Variants in TMEM196 observed in about 807,000 individuals in gnomAD.
TMEM196 encodes transmembrane protein 196.
TMEM196 carries 17 observed loss-of-function variants against 20.0 expected under a neutral mutation model. The observed-to-expected ratio is 0.85, with a 90% CI of 0.58 to 1.27. The LOEUF (loss-of-function observed/expected upper bound fraction) is 1.27, where lower values mean the gene tolerates loss of function less well. TMEM196 is among the 50% of genes most tolerant of loss of function. TMEM196 has a pLI of 0.00. For missense variants in TMEM196, 267 were observed against 223.0 expected (o/e 1.20, Z -1.26); for synonymous variants, 113 against 88.9 (o/e 1.27, Z -1.52).
At chr7:19,739,569 A>G (rs1211961371) in intron 1 of TMEM196, among the ~76,000 whole-genome samples, 1 of 152,104 alleles carries the variant, frequency 6.6e-6, no homozygotes, top group African/African-American at 2.4e-5. Flanking sequence ...CAGACACTGA[A>G]TCTCTGGGCA....
At chr7:19,740,339 A>G (rs76530687) in intron 1 of TMEM196, among the ~76,000 whole-genome samples, 2,136 of 152,250 alleles carry the variant, frequency 0.014, 49 homozygotes, top group African/African-American at 0.048. Context: ...GTGTAAAGTA[A>G]CTCTGGAAAA....
chr7:19,765,871 G>A (rs559324954), intron 1 of TMEM196, among the ~76,000 whole-genome samples: 154 of 152,102 alleles, frequency 1.0e-3, no homozygotes, highest in South Asian at 1.9e-3. Flanking sequence ...CAGGAACAAC[G>A]AAAACAAAAA....
intron 1 of TMEM196, among the ~76,000 whole-genome samples, chr7:19,752,640 A>C (rs1484118869): frequency 6.6e-6 from 1 of 150,948 alleles, no homozygotes; most frequent in East Asian, 1.9e-4. Context: ...TTTGAGATGG[A>C]ATCTCGCTCT....
At chr7:19,740,524 T>C (rs1583432743) in intron 1 of TMEM196, among the ~76,000 whole-genome samples, 1 of 152,310 alleles carries the variant, frequency 6.6e-6, no homozygotes, top group African/African-American at 2.4e-5. Context: ...AAAATTATGA[T>C]GTAAATATTA....
intron 1 of TMEM196, 70 bp downstream of exon 1, chr7:19,772,480 C>T (rs937231000): frequency 1.4e-6 from 2 of 1,406,242 alleles, no homozygotes; most frequent in African/African-American, 1.5e-5. Context: ...AATGCGCGCA[C>T]CCTGACCATC....
intron 1 of TMEM196, among the ~76,000 whole-genome samples, chr7:19,738,166 G>A (rs1784470110): frequency 6.6e-6 from 1 of 151,978 alleles, no homozygotes; most frequent in Admixed American, 6.6e-5. Flanking sequence ...AGGGTTACTG[G>A]TTAATGATTT....
intron 1 of TMEM196, among the ~76,000 whole-genome samples, chr7:19,764,906 T>G (rs1228271620): frequency 6.6e-6 from 1 of 152,122 alleles, no homozygotes; most frequent in Non-Finnish European, 1.5e-5. Context: ...GAGCAAATAA[T>G]GAGGTCAGGC....
chr7:19,733,206 A>T (rs1340386194), intron 1 of TMEM196, among the ~76,000 whole-genome samples: 1 of 152,222 alleles, frequency 6.6e-6, no homozygotes, highest in Non-Finnish European at 1.5e-5. Context: ...GACGTGTTGG[A>T]CGAAATGACA....
At chr7:19,761,502 A>G (rs1469350385) in intron 1 of TMEM196, among the ~76,000 whole-genome samples, 1 of 125,692 alleles carries the variant, frequency 8.0e-6, no homozygotes, top group Non-Finnish European at 1.6e-5. Context: ...TAAAATCCCA[A>G]TAAAATGTAC....
At chr7:19,741,233 A>G (rs951883546) in intron 1 of TMEM196, among the ~76,000 whole-genome samples, 3 of 152,174 alleles carry the variant, frequency 2.0e-5, no homozygotes, top group African/African-American at 7.2e-5. Context: ...TTTCGTTTGC[A>G]ATTACTGGCA....
intron 1 of TMEM196, among the ~76,000 whole-genome samples, chr7:19,756,716 T>C (rs2128034462): frequency 6.6e-6 from 1 of 152,298 alleles, no homozygotes; most frequent in Admixed American, 6.5e-5. Context: ...TTTCTGTTCC[T>C]GTGTTAGTTT....
intron 1 of TMEM196, among the ~76,000 whole-genome samples, chr7:19,740,021 T>G (rs989917582): frequency 1.6e-4 from 25 of 152,268 alleles, no homozygotes; most frequent in Non-Finnish European, 2.2e-4. Flanking sequence ...TGAGAAGTTA[T>G]CCAACAGATT....
chr7:19,758,929 T>TA (rs1199966810), intron 1 of TMEM196, among the ~76,000 whole-genome samples: 34 of 152,116 alleles, frequency 2.2e-4, no homozygotes, highest in East Asian at 3.9e-4. Flanking sequence ...TGAGAATTAA[T>TA]AAAAAAAACT....
At chr7:19,745,228 C>A (rs1320993794) in intron 1 of TMEM196, among the ~76,000 whole-genome samples, 1 of 151,978 alleles carries the variant, frequency 6.6e-6, no homozygotes, top group Non-Finnish European at 1.5e-5. Context: ...TATTGTGGTA[C>A]TCTTATTTTT....
At chr7:19,736,884 C>G (rs1294525949) in intron 1 of TMEM196, among the ~76,000 whole-genome samples, 1 of 151,938 alleles carries the variant, frequency 6.6e-6, no homozygotes, top group Non-Finnish European at 1.5e-5. Flanking sequence ...TTCATCATTG[C>G]TAATACATAT....
intron 1 of TMEM196, among the ~76,000 whole-genome samples, chr7:19,740,097 CAAG>C (rs1784535486): frequency 1.3e-5 from 2 of 152,076 alleles, no homozygotes; most frequent in Non-Finnish European, 2.9e-5. Context: ...AGTAATAACA[CAAG>C]AAGAGCAGTC....
intron 1 of TMEM196, among the ~76,000 whole-genome samples, chr7:19,740,753 G>A (rs1452323181): frequency 6.6e-6 from 1 of 152,036 alleles, no homozygotes; most frequent in Non-Finnish European, 1.5e-5. Flanking sequence ...ATCCAAGGCT[G>A]GTTTTGCATG....
Position 19,720,790 on chromosome 7 carries a change from C to G in TMEM196, c.*1338G>C, listed in dbSNP as rs2285926. ...ATAGGCTTTCTTATATATGGACTGCCTATATTATTTCATGAGAATCGTAAA... is the reference window on the plus strand; with the variant it reads ...ATAGGCTTTCTTATATATGGACTGCGTATATTATTTCATGAGAATCGTAAA... On this transcript the variant is annotated 3_prime_UTR_variant, in exon 5 of 5. Transcript: ENST00000405844. 6.6e-6 allele frequency: 1 copy of G among 151,706 alleles called. No individual in the cohort carries two copies. Among genetic ancestry groups the G allele is most frequent in the Non-Finnish European group, 1.5e-5 (1 of 67,762 alleles). 9.4% of individuals were successfully genotyped at this position (151,706 alleles called of 1,614,324 possible).
chr7:19,727,486 T>C (rs1784039994), intron 2 of TMEM196, among the ~76,000 whole-genome samples: 1 of 152,204 alleles, frequency 6.6e-6, no homozygotes, highest in South Asian at 2.1e-4. Context: ...TTATACTTGA[T>C]TAAATATAAT....
Sources: allele counts gnomAD v4.1 joint callset (sites outside exome capture counted in the v4.1 genomes callset), GRCh38; gene constraint gnomAD v4.1.1; transcripts MANE v1.5; gene names NCBI Gene and HGNC (gene_info 2026-07-23, HGNC 2026-07-21).